TM7SF3: variants seen among roughly 807,000 people sequenced by gnomAD.
TM7SF3 encodes the protein transmembrane 7 superfamily member 3, also known as seven span transmembrane protein.
TM7SF3 carries 60 observed loss-of-function variants against 65.5 expected under a neutral mutation model. The ratio of observed to expected loss-of-function variants is 0.92; its 90% CI spans 0.74 to 1.14. The LOEUF is 1.14. TM7SF3 is among the 50% of genes most tolerant of loss of function. The pLI, the probability that TM7SF3 is intolerant of heterozygous loss-of-function variation, is 0.00. For synonymous variants in TM7SF3, 264 were observed against 259.6 expected (o/e 1.02, Z -0.16); for missense variants, 623 against 684.8 (o/e 0.91, Z 1.01).
rs543346205 is a variant in TM7SF3, at chr12:27,008,555, T to C, written c.92-5165A>G. Among the ~76,000 whole-genome samples, 7 of 152,290 alleles carry C rather than the reference T, an allele frequency of 4.6e-5. No individual in the cohort carries two copies. In the South Asian group the frequency reaches 1.5e-3, roughly 32 times the overall value. On this transcript the variant is annotated intron_variant, in intron 1 of 11. Transcript: ENST00000343028. ...TTTCAGGTTTTTCCTTTATGATTAG[T>C]CCCTTTTGTGTCATTTTAAAGAAAT...
intron 6 of TM7SF3, among the ~76,000 whole-genome samples, chr12:26,983,112 A>T (rs956239089): frequency 6.6e-6 from 1 of 152,120 alleles, no homozygotes; most frequent in Non-Finnish European, 1.5e-5. Context: ...AGCGGTATGG[A>T]ACACTTCCTA....
chr12:27,002,054 G>A (rs535389798), intron 2 of TM7SF3, among the ~76,000 whole-genome samples: 4 of 151,992 alleles, frequency 2.6e-5, no homozygotes, highest in Admixed American at 6.6e-5. Flanking sequence ...CAACACACAC[G>A]CACACACGTG....
At chr12:26,994,123 T>C (rs955283640) in intron 5 of TM7SF3, among the ~76,000 whole-genome samples, 1 of 152,198 alleles carries the variant, frequency 6.6e-6, no homozygotes, top group Non-Finnish European at 1.5e-5. Flanking sequence ...CAAGTTCTTA[T>C]ATTCTTCATA....
rs756448406 is a variant in TM7SF3 at position 26,979,940 on chromosome 12, T to C, written c.1037-4A>G. On this transcript the variant is annotated splice_region_variant and splice_polypyrimidine_tract_variant and intron_variant, in intron 8 of 11. Transcript: ENST00000343028. Reference sequence around the variant, plus strand: ...ACAGCTGTCAGAATCAGATTCACTGTACAAAGAGAGAGGATGAACTGCTGG... The same window carrying C: ...ACAGCTGTCAGAATCAGATTCACTGCACAAAGAGAGAGGATGAACTGCTGG... 4 of 1,613,938 alleles carry C rather than the reference T, an allele frequency of 2.5e-6. No individual in the cohort carries two copies. Among genetic ancestry groups the C allele is most frequent in the Non-Finnish European group, 2.5e-6 (3 of 1,179,998 alleles).
At chr12:26,979,485 GCCTTTACCTCCTTATTT>G in intron 9 of TM7SF3, 1 of 308,196 alleles carries the variant, frequency 3.2e-6, no homozygotes, top group Non-Finnish European at 6.1e-6. Flanking sequence ...TGCCATCAGA[GCCTTTACCTCCTTATTT>G]CCTTTACCTC....
intron 8 of TM7SF3, 83 bp from the exon 9 acceptor site, chr12:26,980,019 T>C (rs2136382675): frequency 2.0e-6 from 3 of 1,528,970 alleles, no homozygotes; most frequent in East Asian, 2.3e-5. Flanking sequence ...CCGTTACCAG[T>C]GCCAGCTTCA....
At chr12:26,986,807 G>A (rs1940120484) in intron 6 of TM7SF3, among the ~76,000 whole-genome samples, 1 of 152,118 alleles carries the variant, frequency 6.6e-6, no homozygotes, top group Non-Finnish European at 1.5e-5. Context: ...AGCTCTCACT[G>A]GTACCAATGG....
intron 5 of TM7SF3, among the ~76,000 whole-genome samples, chr12:26,994,626 C>T (rs1358367103): frequency 1.3e-5 from 2 of 152,180 alleles, no homozygotes; most frequent in Non-Finnish European, 2.9e-5. Flanking sequence ...GGATTACAGG[C>T]GTGAGCCACT....
chr12:26,995,580 G>A (rs1165311360), intron 4 of TM7SF3, among the ~76,000 whole-genome samples, 172 bp from the exon 5 acceptor site: 2 of 152,188 alleles, frequency 1.3e-5, no homozygotes, highest in Non-Finnish European at 2.9e-5. Flanking sequence ...CACTGTTATG[G>A]ACTGAATGTT....
Position 26,972,772 on chromosome 12 carries a change from G to A in TM7SF3, c.*1193C>T, listed in dbSNP as rs749384124. 1.3e-5 allele frequency among the ~76,000 whole-genome samples: 2 copies of A among 151,642 alleles called. No homozygotes were observed. The highest frequency in any genetic ancestry group is 2.9e-5 in the Non-Finnish European group (2 of 67,966). On this transcript the variant is annotated 3_prime_UTR_variant, in exon 12 of 12. Transcript: ENST00000343028. ...GTCGGCAATATAGATTAAGGTGGGG[G>A]TTATTTCCTAAAAACAAAAGTAATC...
At chr12:26,983,459 A>G in intron 6 of TM7SF3, 1 of 400,258 alleles carries the variant, frequency 2.5e-6, no homozygotes, top group East Asian at 7.3e-5. Context: ...CGGTGGTTCT[A>G]TTTTTTAAGT....
intron 5 of TM7SF3, among the ~76,000 whole-genome samples, chr12:26,994,795 A>C (rs956901330): frequency 6.6e-6 from 1 of 152,254 alleles, no homozygotes; most frequent in East Asian, 1.9e-4. Flanking sequence ...CATGGATTCA[A>C]AAGCTCAGAG....
chr12:26,993,274 G>A (rs376585819), intron 5 of TM7SF3, among the ~76,000 whole-genome samples: 1 of 151,942 alleles, frequency 6.6e-6, no homozygotes, highest in Non-Finnish European at 1.5e-5. Flanking sequence ...TGGTGTTTAC[G>A]GCCAATCTCA....
rs971298450 is a variant in TM7SF3 at position 26,999,410 on chromosome 12, C to T, written c.397+116G>A. ...GACTCCATCTCAAAAAAAAAAAATC[C>T]GATTATATAAATTATACTTGCAACA... On this transcript the variant is annotated intron_variant, in intron 3 of 11. Transcript: ENST00000343028. 1.9e-5 allele frequency: 22 copies of T among 1,171,740 alleles called. No homozygotes were observed. The East Asian group carries it at 2.6e-4, about 14-fold the overall frequency. The allele number at this position is 1,171,740 out of a possible 1,614,324, so 72.6% of individuals were successfully genotyped here.
intron 7 of TM7SF3, among the ~76,000 whole-genome samples, chr12:26,981,803 T>C (rs1010796684): frequency 3.3e-5 from 5 of 152,220 alleles, no homozygotes; most frequent in Non-Finnish European, 7.3e-5. Context: ...ATCACTTATA[T>C]AAAAAGCAGC....
intron 1 of TM7SF3, among the ~76,000 whole-genome samples, chr12:27,007,842 G>A (rs1941097918): frequency 6.6e-6 from 1 of 152,112 alleles, no homozygotes; most frequent in Admixed American, 6.5e-5. Flanking sequence ...CACAATTTTT[G>A]TGTGTTTGGC....
intron 1 of TM7SF3, among the ~76,000 whole-genome samples, chr12:27,008,852 A>G (rs1159928090): frequency 6.6e-6 from 1 of 152,182 alleles, no homozygotes; most frequent in Non-Finnish European, 1.5e-5. Context: ...ACTGATAGAC[A>G]TTGAAGACTG....
intron 5 of TM7SF3, among the ~76,000 whole-genome samples, chr12:26,992,274 T>C (rs1940401172): frequency 6.6e-6 from 1 of 151,736 alleles, no homozygotes; most frequent in Admixed American, 6.6e-5. Flanking sequence ...TATTTTTTTA[T>C]TATTATTATT....
chr12:26,999,578 T>C lies in TM7SF3; in HGVS notation c.345A>G (p.Ser115=), dbSNP rs752834273. 3 of 1,614,036 alleles carry C rather than the reference T, an allele frequency of 1.9e-6. No homozygotes were observed. The highest frequency in any genetic ancestry group is 1.3e-5 in the African/African-American group (1 of 74,926). ...CCATATTCTGGACAGGCTGTATGCC[T>C]GAAGTCCCCAAGTACCAAGTGCATG... ...QSTCTWYLGT[S]GIQPVQNMAI... is the part of the protein sequence containing the mutation. The change falls in exon 3 of 12, where the codon TCA becomes TCG. Residue 115 remains serine, a synonymous_variant. Transcript: ENST00000343028.
Sources: allele counts gnomAD v4.1 joint callset (sites outside exome capture counted in the v4.1 genomes callset), GRCh38; gene constraint gnomAD v4.1.1; transcripts MANE v1.5; gene names NCBI Gene and HGNC (gene_info 2026-07-23, HGNC 2026-07-21).